Variants in INPP4B observed in about 807,000 individuals in gnomAD.
The protein encoded by INPP4B is inositol polyphosphate-4-phosphatase type II B, also known as inositol polyphosphate 4-phosphatase type II.
A neutral mutation model predicts 122.5 loss-of-function variants in INPP4B; 55 were observed. The ratio of observed to expected loss-of-function variants is 0.45; its 90% CI spans 0.36 to 0.56. The LOEUF is 0.56. INPP4B is among the 20% of genes least tolerant of loss of function. INPP4B has a pLI of 0.00. For missense variants in INPP4B, 1,000 were observed against 1,097.7 expected (o/e 0.91, Z 1.26); for synonymous variants, 403 against 388.7 (o/e 1.04, Z -0.43).
intron 2 of INPP4B, among the ~76,000 whole-genome samples, chr4:142,633,221 AC>A (rs1748373478): frequency 6.6e-6 from 1 of 152,104 alleles, no homozygotes; most frequent in South Asian, 2.1e-4. Context: ...ATTTGTAAAC[AC>A]CTAATACTAT....
intron 7 of INPP4B, among the ~76,000 whole-genome samples, chr4:142,316,659 A>G (rs1767817217): frequency 6.6e-6 from 1 of 152,220 alleles, no homozygotes; most frequent in Non-Finnish European, 1.5e-5. Flanking sequence ...AATAAAGTGA[A>G]AAGAAAAAGT....
intron 2 of INPP4B, among the ~76,000 whole-genome samples, chr4:142,717,318 A>C (rs145062336): frequency 4.3e-4 from 65 of 152,320 alleles, no homozygotes; most frequent in African/African-American, 1.4e-3. Flanking sequence ...AACTATTCTA[A>C]GTTTCTATTA....
At chr4:142,422,452 C>T (rs6820463) in intron 5 of INPP4B, among the ~76,000 whole-genome samples, 40,275 of 151,712 alleles carry the variant, frequency 0.27, 5,603 homozygotes, top group Middle Eastern at 0.33. Flanking sequence ...CATTAGAAGG[C>T]GCCCAGAAAA....
chr4:142,502,994 G>T (rs1823582260), intron 2 of INPP4B, among the ~76,000 whole-genome samples: 1 of 152,112 alleles, frequency 6.6e-6, no homozygotes, highest in South Asian at 2.1e-4. Flanking sequence ...AGCCTTGGAA[G>T]CTATAAGACA....
chr4:142,456,984 G>A (rs1034784526), intron 3 of INPP4B, among the ~76,000 whole-genome samples: 1 of 151,932 alleles, frequency 6.6e-6, no homozygotes, highest in African/African-American at 2.4e-5. Flanking sequence ...TAATAAGACA[G>A]AGACAATACA....
chr4:142,837,623 T>C (rs1465081933), intron 1 of INPP4B, among the ~76,000 whole-genome samples: 6 of 152,174 alleles, frequency 3.9e-5, no homozygotes, highest in Admixed American at 2.0e-4. Flanking sequence ...GCTTTTGTTG[T>C]TGTTGTTACA....
intron 17 of INPP4B, among the ~76,000 whole-genome samples, chr4:142,148,727 TTGTAGCC>T (rs756298472): frequency 9.2e-5 from 14 of 152,222 alleles, no homozygotes; most frequent in Non-Finnish European, 1.5e-4. Flanking sequence ...AAAGTCACCT[TTGTAGCC>T]TGTAAAGAGA....
chr4:142,427,946 A>G (rs1010174062), intron 5 of INPP4B, among the ~76,000 whole-genome samples: 11 of 151,834 alleles, frequency 7.2e-5, no homozygotes, highest in Non-Finnish European at 1.0e-4. Flanking sequence ...AGAGAGGGAG[A>G]AAAAAATAAT....
At chr4:142,535,163 G>A (rs540978390) in intron 2 of INPP4B, among the ~76,000 whole-genome samples, 159 of 152,278 alleles carry the variant, frequency 1.0e-3, no homozygotes, top group African/African-American at 3.5e-3. Context: ...GTCAGTTGAT[G>A]ATTCAACAAA....
intron 9 of INPP4B, among the ~76,000 whole-genome samples, chr4:142,273,667 T>A (rs1246787302): frequency 1.3e-5 from 2 of 151,938 alleles, no homozygotes; most frequent in East Asian, 3.9e-4. Flanking sequence ...TTTCCTTATC[T>A]TCTATAGGCT....
chr4:142,375,976 T>C (rs145136667), intron 7 of INPP4B, among the ~76,000 whole-genome samples: 8 of 152,132 alleles, frequency 5.3e-5, no homozygotes, highest in African/African-American at 1.9e-4. Flanking sequence ...CTTCATTCCA[T>C]TCACTTATTT....
chr4:142,171,872 G>A (rs1825791679), intron 16 of INPP4B, among the ~76,000 whole-genome samples: 1 of 151,794 alleles, frequency 6.6e-6, no homozygotes, highest in Non-Finnish European at 1.5e-5. Context: ...AGTTGTAAAT[G>A]ATGTATGAAA....
chr4:142,662,880 G>T (rs939475366), intron 2 of INPP4B, among the ~76,000 whole-genome samples: 2 of 152,142 alleles, frequency 1.3e-5, no homozygotes, highest in African/African-American at 2.4e-5. Context: ...CTATGGAAAG[G>T]TTTGAGAAAT....
intron 7 of INPP4B, among the ~76,000 whole-genome samples, chr4:142,346,162 T>C (rs914680517): frequency 6.6e-6 from 1 of 152,058 alleles, no homozygotes; most frequent in Non-Finnish European, 1.5e-5. Flanking sequence ...TTAATTTAAG[T>C]AGACATGGTC....
chr4:142,336,253 G>A (rs1018152294), intron 7 of INPP4B, among the ~76,000 whole-genome samples: 1 of 152,220 alleles, frequency 6.6e-6, no homozygotes, highest in Non-Finnish European at 1.5e-5. Context: ...CTGCCACATG[G>A]CAGGAACAAA....
intron 2 of INPP4B, among the ~76,000 whole-genome samples, chr4:142,634,122 G>A (rs2150438879): frequency 6.6e-6 from 1 of 152,242 alleles, no homozygotes; most frequent in East Asian, 1.9e-4. Context: ...TAAGAGAAAT[G>A]CAAATTACTT....
intron 2 of INPP4B, among the ~76,000 whole-genome samples, chr4:142,628,111 C>G (rs573291380): frequency 6.6e-6 from 1 of 151,348 alleles, no homozygotes; most frequent in Non-Finnish European, 1.5e-5. Context: ...CACATGCACA[C>G]GTATGTTTAT....
chr4:142,475,652 A>G (rs1819673242), intron 2 of INPP4B, among the ~76,000 whole-genome samples: 1 of 152,198 alleles, frequency 6.6e-6, no homozygotes, highest in South Asian at 2.1e-4. Flanking sequence ...AAAGAACCAA[A>G]CTGAGCTGAT....
intron 1 of INPP4B, among the ~76,000 whole-genome samples, chr4:142,823,450 G>A (rs571762354): frequency 1.3e-5 from 2 of 152,130 alleles, no homozygotes; most frequent in East Asian, 3.9e-4. Flanking sequence ...GAATATAATA[G>A]TATCTGTTCA....
Sources: allele counts gnomAD v4.1 joint callset (sites outside exome capture counted in the v4.1 genomes callset), GRCh38; gene constraint gnomAD v4.1.1; transcripts MANE v1.5; gene names NCBI Gene and HGNC (gene_info 2026-07-23, HGNC 2026-07-21).